Variants in VPS41 observed in about 807,000 individuals in gnomAD.
VPS41 encodes VPS41 subunit of HOPS complex.
Under a neutral mutation model 130.9 loss-of-function variants are expected in VPS41, and 85 were observed. The ratio of observed to expected loss-of-function variants is 0.65; its 90% CI spans 0.55 to 0.78. The LOEUF is 0.78. Ranked by LOEUF, VPS41 falls within the 30% of genes least tolerant of loss-of-function variation. The pLI is 0.00. For synonymous variants in VPS41, 335 were observed against 332.9 expected, an observed-to-expected ratio of 1.01 and a Z score of -0.07; for missense variants, 874 against 1,018.7, an observed-to-expected ratio of 0.86 and a Z score of 1.93.
Position 38,752,263 on chromosome 7 carries a change from A to G in VPS41, c.1839T>C (p.His613=), listed in dbSNP as rs769136194. The change falls in exon 22 of 29, where the codon CAT becomes CAC. Residue 613 remains histidine (H), a synonymous_variant. Transcript: ENST00000310301. ...KRDHHKGQRY[H]EKQISLYAEY... is the part of the protein sequence containing the mutation. ...CAGCATAAAGACTGATCTGTTTTTC[A>G]TGGTAACGCTGCCCCTTATGGTGGT... 2.0e-5 allele frequency: 33 copies of G among 1,613,856 alleles called. No individual in the cohort carries two copies. The highest frequency in any genetic ancestry group is 2.6e-5 in the Non-Finnish European group (31 of 1,179,888).
chr7:38,871,692 GC>G (rs1315250356), intron 2 of VPS41, among the ~76,000 whole-genome samples: 1 of 152,146 alleles, frequency 6.6e-6, no homozygotes, highest in African/African-American at 2.4e-5. Flanking sequence ...CACAACAGAA[GC>G]CTATTCTAAA....
intron 10 of VPS41, among the ~76,000 whole-genome samples, chr7:38,784,857 T>C (rs1217640422): frequency 6.6e-6 from 1 of 151,942 alleles, no homozygotes; most frequent in Non-Finnish European, 1.5e-5. Flanking sequence ...GCACTGCCTC[T>C]TTTCCCCCAT....
At chr7:38,906,099 T>G (rs566440513) in intron 1 of VPS41, among the ~76,000 whole-genome samples, 1 of 151,982 alleles carries the variant, frequency 6.6e-6, no homozygotes, top group South Asian at 2.1e-4. Context: ...CGCAGCCCTA[T>G]TTTCTCCATT....
chr7:38,879,253 C>T (rs1011806808), intron 2 of VPS41, among the ~76,000 whole-genome samples: 4 of 152,170 alleles, frequency 2.6e-5, no homozygotes, highest in Admixed American at 6.5e-5. Context: ...ACCTCTCCCC[C>T]GGGTGCCTGG....
rs566849862 is a variant in VPS41 at position 38,756,980 on chromosome 7, T to C, written c.1553A>G (p.Tyr518Cys). The change falls in exon 19 of 29, where the codon TAC (tyrosine) becomes TGC (cysteine). Residue 518 changes from tyrosine to cysteine, a missense_variant and splice_region_variant. Transcript: ENST00000310301. ...ATTGCCATAGTTCTTGTCATAGGTG[T>C]ACCTGGTAATACAAATTTTTTACAT... Reference protein sequence around the residue: ...KTLLKTLAELYTYDKNYGNAL... With the variant: ...KTLLKTLAELCTYDKNYGNAL... The C allele has an allele frequency of 1.0e-5, 16 of 1,583,766 alleles. No homozygotes were observed. The highest frequency in any genetic ancestry group is 2.7e-5 in the African/African-American group (2 of 74,440).
chr7:38,823,112 G>A (rs1326109511), intron 5 of VPS41, among the ~76,000 whole-genome samples: 1 of 152,192 alleles, frequency 6.6e-6, no homozygotes, highest in Non-Finnish European at 1.5e-5. Flanking sequence ...CCTCCAAGGT[G>A]ATGGTATTAA....
At chr7:38,765,467 C>G in intron 16 of VPS41, 113 bp downstream of exon 16, 1 of 679,554 alleles carries the variant, frequency 1.5e-6, no homozygotes, top group Non-Finnish European at 2.4e-6. Context: ...TTCTTTCCAT[C>G]TGAGATAATA....
chr7:38,884,113 T>G (rs1786670268), intron 2 of VPS41, among the ~76,000 whole-genome samples: 1 of 152,230 alleles, frequency 6.6e-6, no homozygotes, highest in African/African-American at 2.4e-5. Flanking sequence ...AATTTAATTT[T>G]CAATAAATGA....
At chr7:38,805,577 A>AT (rs1445598802) in intron 7 of VPS41, among the ~76,000 whole-genome samples, 2 of 151,910 alleles carry the variant, frequency 1.3e-5, no homozygotes, top group Non-Finnish European at 2.9e-5. Flanking sequence ...AGTTGAAAAA[A>AT]AAAAAAATCA....
intron 2 of VPS41, among the ~76,000 whole-genome samples, chr7:38,878,163 G>A (rs1786529779): frequency 6.6e-6 from 1 of 152,112 alleles, no homozygotes; most frequent in Non-Finnish European, 1.5e-5. Context: ...GGGCACTGCA[G>A]GGACCAGAGA....
At chr7:38,784,480 A>T (rs943580449) in intron 10 of VPS41, among the ~76,000 whole-genome samples, 5 of 152,022 alleles carry the variant, frequency 3.3e-5, no homozygotes, top group African/African-American at 9.7e-5. Flanking sequence ...ACAAAAAATT[A>T]AAAAATTAGC....
chr7:38,818,043 G>T (rs575908895), intron 6 of VPS41, among the ~76,000 whole-genome samples, 161 bp from the exon 7 acceptor site: 1 of 152,166 alleles, frequency 6.6e-6, no homozygotes, highest in Admixed American at 6.5e-5. Flanking sequence ...GATGACATCT[G>T]AGTTTTCTTC....
intron 25 of VPS41, among the ~76,000 whole-genome samples, chr7:38,736,347 C>T (rs1479628653): frequency 6.6e-6 from 1 of 152,208 alleles, no homozygotes; most frequent in Non-Finnish European, 1.5e-5. Context: ...GTAACGTATA[C>T]AAGAATCCAG....
chr7:38,839,976 G>A (rs1785576743), intron 4 of VPS41, among the ~76,000 whole-genome samples: 1 of 152,214 alleles, frequency 6.6e-6, no homozygotes, highest in South Asian at 2.1e-4. Flanking sequence ...CCCCAGGACA[G>A]CCATCCACTC....
chr7:38,783,731 C>T (rs552729288), intron 10 of VPS41, among the ~76,000 whole-genome samples: 356 of 151,838 alleles, frequency 2.3e-3, no homozygotes, highest in African/African-American at 6.9e-3. Flanking sequence ...ACAACCTCTT[C>T]GTTTCATTTA....
At chr7:38,793,279 T>C (rs1784565602) in intron 9 of VPS41, among the ~76,000 whole-genome samples, 1 of 152,190 alleles carries the variant, frequency 6.6e-6, no homozygotes, top group African/African-American at 2.4e-5. Context: ...TAAACGTTTG[T>C]TGGGCAAATG....
At chr7:38,769,653 A>AT (rs568366858) in intron 14 of VPS41, among the ~76,000 whole-genome samples, 4 of 152,124 alleles carry the variant, frequency 2.6e-5, no homozygotes, top group African/African-American at 4.8e-5. Context: ...GTCAGCCTAG[A>AT]TTTTTACTCT....
At position 38,726,188 on chromosome 7, in the gene VPS41, TG is replaced by T; in HGVS notation, c.*57del. ...CACGAGTGTCAACAAATGCTTTTGT[TG>T]TTGCAAAAACAGTCTCAAAAAGAGT... On this transcript the variant is annotated 3_prime_UTR_variant, in exon 29 of 29. Transcript: ENST00000310301. 8.3e-7 allele frequency: 1 copy of T among 1,205,924 alleles called. No homozygotes were observed. The highest frequency in any genetic ancestry group is 1.2e-6 in the Non-Finnish European group (1 of 810,098). 74.7% of individuals were successfully genotyped at this position (1,205,924 alleles called of 1,614,324 possible).
At chr7:38,747,132 G>T (rs1796001390) in intron 22 of VPS41, among the ~76,000 whole-genome samples, 1 of 151,774 alleles carries the variant, frequency 6.6e-6, no homozygotes, top group Admixed American at 6.6e-5. Context: ...TTCCTATATG[G>T]TCTTGCCTGT....
Sources: gnomAD v4.1 joint callset for allele counts (sites outside exome capture counted in the v4.1 genomes callset) on GRCh38, gnomAD v4.1.1 for gene constraint, MANE v1.5 for transcripts, NCBI Gene and HGNC (gene_info 2026-07-23, HGNC 2026-07-21) for gene names.